CTXND1: variants seen among roughly 807,000 people sequenced by gnomAD.
The protein encoded by CTXND1 is cortexin domain-containing 1 protein.
chr15:80,248,402 G>A (rs1893658654), intron 1 of CTXND1, among the ~76,000 whole-genome samples: 1 of 152,172 alleles, frequency 6.6e-6, no homozygotes. Context: ...GGTAAGGAGA[G>A]AAAGAAAGGT....
chr15:80,238,095 C>T (rs1196634160), intron 1 of CTXND1, among the ~76,000 whole-genome samples: 3 of 139,946 alleles, frequency 2.1e-5, no homozygotes, highest in African/African-American at 8.1e-5. Flanking sequence ...ACGGAAGAAA[C>T]AAAAATTTTA....
At chr15:80,250,351 A>T (rs1893679654) in intron 1 of CTXND1, among the ~76,000 whole-genome samples, 2 of 152,148 alleles carry the variant, frequency 1.3e-5, no homozygotes, top group Middle Eastern at 6.8e-3. Context: ...TTTTCAGGCC[A>T]ATTAAAGTTC....
chr15:80,248,356 G>A (rs1893657958), intron 1 of CTXND1, among the ~76,000 whole-genome samples: 1 of 152,220 alleles, frequency 6.6e-6, no homozygotes, highest in African/African-American at 2.4e-5. Context: ...CATTTCTACA[G>A]ATGATCCTAC....
intron 1 of CTXND1, among the ~76,000 whole-genome samples, chr15:80,223,812 CAA>C (rs5814006): frequency 0.082 from 11,614 of 141,190 alleles, 1,468 homozygotes; most frequent in African/African-American, 0.28. Flanking sequence ...GCTTTTTGGC[CAA>C]AAAAAAAAAA....
At chr15:80,221,548 A>G (rs183130052) in intron 1 of CTXND1, among the ~76,000 whole-genome samples, 2 of 152,220 alleles carry the variant, frequency 1.3e-5, no homozygotes, top group African/African-American at 4.8e-5. Context: ...GCGCCCCTGC[A>G]CTCCAGCCTG....
rs144705250 is a variant in CTXND1, at chr15:80,242,323, C to T, written c.-218+9684G>A. ...GAAATCTGCAGAAACTCTCCTGGCC[C>T]GCAAGGGGGCTCCTGTGAGCCCGGG... On this transcript the variant is annotated intron_variant, in intron 1 of 2. Transcript: ENST00000560778. Among the ~76,000 whole-genome samples, 32 of 152,344 alleles carry T rather than the reference C, an allele frequency of 2.1e-4. No individual in the cohort carries two copies. In the South Asian group the frequency reaches 3.5e-3, roughly 17 times the overall value.
chr15:80,204,946 G>A (rs144669233), intron 1 of CTXND1, among the ~76,000 whole-genome samples: 1 of 152,282 alleles, frequency 6.6e-6, no homozygotes, highest in African/African-American at 2.4e-5. Flanking sequence ...AGTCAAAGCA[G>A]TGTTTTTACT....
intron 1 of CTXND1, among the ~76,000 whole-genome samples, chr15:80,239,672 T>C (rs977807383): frequency 1.3e-5 from 2 of 152,142 alleles, no homozygotes; most frequent in Non-Finnish European, 2.9e-5. Flanking sequence ...CTTAATAAAC[T>C]CTTTATATAT....
intron 1 of CTXND1, among the ~76,000 whole-genome samples, chr15:80,216,636 A>G (rs1893256836): frequency 6.6e-6 from 1 of 152,024 alleles, no homozygotes; most frequent in East Asian, 1.9e-4. Context: ...TTTGAGACGA[A>G]GTCTTGCTCT....
chr15:80,250,246 C>T (rs924752973), intron 1 of CTXND1, among the ~76,000 whole-genome samples: 2 of 151,970 alleles, frequency 1.3e-5, no homozygotes, highest in South Asian at 2.1e-4. Flanking sequence ...TTTCATTAAC[C>T]CTGTAAGGAA....
At chr15:80,244,220 GC>G (rs1022791115) in intron 1 of CTXND1, among the ~76,000 whole-genome samples, 3 of 152,194 alleles carry the variant, frequency 2.0e-5, no homozygotes, top group African/African-American at 7.2e-5. Flanking sequence ...CTCTGCTAAT[GC>G]CTTCTTTCCT....
At chr15:80,250,787 T>C (rs1000172079) in intron 1 of CTXND1, among the ~76,000 whole-genome samples, 11 of 152,318 alleles carry the variant, frequency 7.2e-5, no homozygotes, top group South Asian at 4.1e-4. Context: ...TAAATCACCT[T>C]TAAAGCCTTG....
chr15:80,211,660 G>T (rs553120030), intron 1 of CTXND1, among the ~76,000 whole-genome samples: 1 of 152,148 alleles, frequency 6.6e-6, no homozygotes, highest in Non-Finnish European at 1.5e-5. Context: ...CTTCCGATAT[G>T]TAAACACCCC....
In CTXND1 at chr15:80,210,201, GTTT is replaced by G. The variant is rs546858688; in HGVS notation, c.-217-6464_-217-6462del. 2.7e-4 allele frequency among the ~76,000 whole-genome samples: 41 copies of G among 152,248 alleles called. No homozygotes were observed. The East Asian group carries it at 7.9e-3, about 29-fold the overall frequency. On this transcript the variant is annotated intron_variant, in intron 1 of 2. Transcript: ENST00000560778. ...TCCACCTGTTCGCCACCTCCTTAAT[GTTT>G]TTTCTTTATTCTCTGGGGGCAAGGT... is the stretch of plus-strand genomic sequence containing the variant.
intron 1 of CTXND1, among the ~76,000 whole-genome samples, chr15:80,218,340 A>G (rs1277821001): frequency 6.6e-6 from 1 of 152,020 alleles, no homozygotes; most frequent in African/African-American, 2.4e-5. Context: ...GAGTCTCGCT[A>G]TGTTGCCTAG....
intron 1 of CTXND1, among the ~76,000 whole-genome samples, chr15:80,241,631 T>G (rs1893568163): frequency 6.6e-6 from 1 of 152,152 alleles, no homozygotes; most frequent in South Asian, 2.1e-4. Flanking sequence ...CCATGCACAG[T>G]GAGGACAGCA....
intron 1 of CTXND1, among the ~76,000 whole-genome samples, chr15:80,224,800 G>A (rs1429623503): frequency 6.6e-6 from 1 of 152,224 alleles, no homozygotes; most frequent in Non-Finnish European, 1.5e-5. Flanking sequence ...CTGGAGTGCA[G>A]TGGCTTGATC....
chr15:80,208,771 T>C (rs1336344835), intron 1 of CTXND1, among the ~76,000 whole-genome samples: 1 of 152,118 alleles, frequency 6.6e-6, no homozygotes, highest in African/African-American at 2.4e-5. Flanking sequence ...ATTTCATAGA[T>C]GAAGAGACTG....
chr15:80,244,782 C>A (rs985237681), intron 1 of CTXND1, among the ~76,000 whole-genome samples: 2 of 152,176 alleles, frequency 1.3e-5, no homozygotes, highest in Non-Finnish European at 2.9e-5. Flanking sequence ...ATCTTTCCCA[C>A]AGAGAAGGGC....
Sources: gnomAD v4.1 joint callset for allele counts (sites outside exome capture counted in the v4.1 genomes callset) on GRCh38, gnomAD v4.1.1 for gene constraint, MANE v1.5 for transcripts, NCBI Gene and HGNC (gene_info 2026-07-23, HGNC 2026-07-21) for gene names.